ZNF397: variants seen among roughly 807,000 people sequenced by gnomAD.
The protein encoded by ZNF397 is zinc finger protein 397, also known as zinc finger and SCAN domain-containing protein 15.
ZNF397 carries 38 observed loss-of-function variants against 50.6 expected under a neutral mutation model. That is an observed-to-expected ratio of 0.75 (90% CI 0.58 to 0.98). The LOEUF (loss-of-function observed/expected upper bound fraction) is 0.98. Ranked by LOEUF, ZNF397 falls within the 50% of genes least tolerant of loss-of-function variation. The probability of loss-of-function intolerance (pLI) is 0.00; values close to 1 mark genes in which losing one functional copy is unlikely to be tolerated. For synonymous variants in ZNF397, 228 were observed against 215.2 expected (o/e 1.06, Z -0.52); for missense variants, 624 against 624.1 (o/e 1.00, Z 0.00).
At chr18:35,243,464 A>G in intron 3 of ZNF397, 171 bp downstream of exon 3, 3 of 823,852 alleles carry the variant, frequency 3.6e-6, no homozygotes, top group Non-Finnish European at 5.9e-6. Context: ...AATTGCTGTC[A>G]GCCCTCCTGT....
intron 5 of ZNF397, among the ~76,000 whole-genome samples, chr18:35,257,749 A>G (rs938763005): frequency 6.6e-6 from 1 of 152,194 alleles, no homozygotes; most frequent in Non-Finnish European, 1.5e-5. Flanking sequence ...TGGCCCAGGA[A>G]GTAACTTCCA....
At chr18:35,250,624 G>C (rs757737008), downstream of ZNF397, among the ~76,000 whole-genome samples, 7 of 152,130 alleles carry the variant, frequency 4.6e-5, no homozygotes, top group Non-Finnish European at 7.4e-5. Context: ...AAGCAAATCT[G>C]ACCCTCATCT....
rs1912446444 is a variant in ZNF397 at position 35,241,111 on chromosome 18, T to G, written c.-81+2T>G. 1 of 152,250 alleles carries G rather than the reference T, an allele frequency of 6.6e-6. No individual in the cohort carries two copies. Among genetic ancestry groups the G allele is most frequent in the Non-Finnish European group, 1.5e-5 (1 of 68,132 alleles). 9.4% of individuals were successfully genotyped at this position (152,250 alleles called of 1,614,324 possible). On this transcript the variant is annotated splice_donor_variant, in intron 1 of 3. Transcript: ENST00000330501. LOFTEE classifies it low-confidence loss of function (5UTR_SPLICE). ...TCCTGGCCGCTCCTGGGCTTCGCGG[T>G]GAGGGACGTGGGCCCCTAGGAAGAG...
rs1387282295 is a variant in ZNF397, at chr18:35,246,419, C to A, written c.*109C>A. 1 of 1,454,410 alleles carries A rather than the reference C, an allele frequency of 6.9e-7. No individual in the cohort carries two copies. The highest frequency in any genetic ancestry group is 9.0e-7 in the Non-Finnish European group (1 of 1,105,574). 90.1% of individuals were successfully genotyped at this position (1,454,410 alleles called of 1,614,324 possible). A position where few individuals can be genotyped will look rare whatever the true frequency, so the allele number is the denominator to read the frequency against. On this transcript the variant is annotated 3_prime_UTR_variant, in exon 4 of 4. Transcript: ENST00000330501. ...CCATAAAGGTTATAAAATACTAGGT[C>A]TTGAGTCTAGCTTGCTTTGTGCAGC... is the stretch of plus-strand genomic sequence containing the variant.
intron 5 of ZNF397, chr18:35,257,508 G>C (rs1038944605): frequency 9.6e-6 from 2 of 208,274 alleles, no homozygotes; most frequent in Admixed American, 1.1e-4. Flanking sequence ...CACCACGTGA[G>C]GACACAGTGA....
rs1196339381 is a variant in ZNF397, at chr18:35,249,513, T to G, written c.*3203T>G. 6.6e-6 allele frequency: 1 copy of G among 151,568 alleles called. No individual in the cohort carries two copies. 9.4% of individuals were successfully genotyped at this position (151,568 alleles called of 1,614,324 possible). ...CTAAAAATACAAAACAATTAGCTGG[T>G]GTGGTGGCATGTGCCTGTAGTCCCA... On this transcript the variant is annotated 3_prime_UTR_variant, in exon 4 of 4. Transcript: ENST00000330501.
downstream of ZNF397, chr18:35,253,700 C>T (rs2043677598): frequency 1.9e-6 from 3 of 1,613,856 alleles, no homozygotes; most frequent in South Asian, 2.2e-5. Context: ...ACATTCATAG[C>T]TTTTATCTCC....
In ZNF397 at chr18:35,245,555, C is replaced by T. The variant is rs1241087575; in HGVS notation, c.850C>T (p.Pro284Ser). 2.6e-6 allele frequency: 4 copies of T among 1,552,454 alleles called. No homozygotes were observed. Among genetic ancestry groups the T allele is most frequent in the Non-Finnish European group, 3.5e-6 (4 of 1,147,236 alleles). The change falls in exon 4 of 4, where the codon CCT becomes TCT. Residue 284 changes from proline to serine, a missense_variant. Pro to Ser is a moderately conservative substitution (Grantham distance 74). Coordinates refer to ENST00000330501, the MANE Select transcript of ZNF397 (RefSeq NM_001135178.3). ...TCAGAAAGTTCCTCCAGAAGAGAGACCTTATAGATGTGATGTATGTGGGCA... is the reference window on the plus strand; with the variant it reads ...TCAGAAAGTTCCTCCAGAAGAGAGATCTTATAGATGTGATGTATGTGGGCA... ...MCQKVPPEER[P>S]YRCDVCGHSF...
At position 35,242,724 on chromosome 18, in the gene ZNF397, C is replaced by G; in HGVS notation, c.254C>G (p.Thr85Arg). Residue 85 changes from threonine (T) to arginine (R), a missense_variant, in exon 2 of 4, where the codon ACA (threonine) becomes AGA (arginine). By Grantham distance (71) the Thr-to-Arg change is moderately conservative. Transcript: ENST00000330501. ...CAGTGGCTAATGCCAGAGTTGCACA[C>G]AAAGGAGCAGATCTTAGAACTGCTG... ...CYQWLMPELH[T>R]KEQILELLVL... 6.2e-7 allele frequency: 1 copy of G among 1,614,208 alleles called. No homozygotes were observed. Among genetic ancestry groups the G allele is most frequent in the Non-Finnish European group, 8.5e-7 (1 of 1,180,040 alleles).
chr18:35,254,809 T>C (rs1213722762), intron 5 of ZNF397, among the ~76,000 whole-genome samples: 3 of 152,138 alleles, frequency 2.0e-5, no homozygotes, highest in Admixed American at 1.3e-4. Context: ...TCTATCAATA[T>C]AGGAGAGCAG....
At chr18:35,242,312 A>G (rs900171776) in intron 1 of ZNF397, 79 bp from the exon 2 acceptor site, 5 of 635,964 alleles carry the variant, frequency 7.9e-6, no homozygotes, top group African/African-American at 3.6e-5. Flanking sequence ...ATATATTACT[A>G]AAGTTACTCA....
At position 35,245,975 on chromosome 18, in the gene ZNF397, C is replaced by A; in HGVS notation, c.1270C>A (p.Pro424Thr). 1 of 1,582,452 alleles carries A rather than the reference C, an allele frequency of 6.3e-7. No individual in the cohort carries two copies. Among genetic ancestry groups the A allele is most frequent in the Non-Finnish European group, 8.6e-7 (1 of 1,164,130 alleles). The change falls in exon 4 of 4, where the codon CCC becomes ACC. Residue 424 changes from proline (P) to threonine (T), a missense_variant. Pro to Thr is a conservative substitution (Grantham distance 38, BLOSUM62 -1). Coordinates refer to ENST00000330501, the MANE Select transcript of ZNF397 (RefSeq NM_001135178.3). ...RHQRIHTGER[P>T]YECNECGKAF... ...TCAGCGAATTCACACAGGAGAGAGA[C>A]CCTATGAATGTAATGAATGTGGAAA...
chr18:35,258,901 A>AAAG (rs2043938457), downstream of ZNF397: 1 of 147,138 alleles, frequency 6.8e-6, no homozygotes, highest in Non-Finnish European at 1.5e-5. Context: ...AAAAAAAAAA[A>AAAG]GGTCAAAGTG....
downstream of ZNF397, chr18:35,252,528 GA>G (rs1359942817): frequency 2.0e-5 from 3 of 152,138 alleles, no homozygotes; most frequent in Non-Finnish European, 4.4e-5. Context: ...TTAGGTCTAT[GA>G]CAATTTCTGC....
At position 35,246,338 on chromosome 18, in the gene ZNF397, A is replaced by G; in HGVS notation, c.*28A>G. ...TGTGAATACTGTGAATAGTGTAAAT[A>G]CTTCAGTCAGATTTTTAAGTTTGTT... is the stretch of plus-strand genomic sequence containing the variant. On this transcript the variant is annotated 3_prime_UTR_variant, in exon 4 of 4. Coordinates refer to ENST00000330501, the MANE Select transcript of ZNF397 (RefSeq NM_001135178.3). 6.7e-7 allele frequency: 1 copy of G among 1,484,318 alleles called. No homozygotes were observed. The highest frequency in any genetic ancestry group is 8.9e-7 in the Non-Finnish European group (1 of 1,118,896). The allele number at this position is 1,484,318 out of a possible 1,614,324, so 91.9% of individuals were successfully genotyped here. A position where few individuals can be genotyped will look rare whatever the true frequency, so the allele number is the denominator to read the frequency against.
chr18:35,243,557 G>T, intron 3 of ZNF397: 1 of 615,832 alleles, frequency 1.6e-6, no homozygotes, highest in Non-Finnish European at 2.9e-6. Flanking sequence ...ACTGTGGTAG[G>T]CCCCAGGAGA....
downstream of ZNF397, chr18:35,254,709 G>A (rs546302168): frequency 8.0e-6 from 3 of 376,388 alleles, no homozygotes; most frequent in South Asian, 2.8e-5. Context: ...GAGAAGATAC[G>A]TTTTTAGGTA....
chr18:35,256,864 C>A (rs2051984222), intron 5 of ZNF397, among the ~76,000 whole-genome samples: 2 of 152,176 alleles, frequency 1.3e-5, no homozygotes, highest in African/African-American at 4.8e-5. Context: ...GCCTTGAAAT[C>A]CTGGACTCAA....
rs1010213853 is a variant in ZNF397 at position 35,248,462 on chromosome 18, A to G, written c.*2152A>G. The G allele has an allele frequency of 2.0e-5, 3 of 152,224 alleles. No homozygotes were observed. The highest frequency in any genetic ancestry group is 7.2e-5 in the African/African-American group (3 of 41,450). 9.4% of individuals were successfully genotyped at this position (152,224 alleles called of 1,614,324 possible). On this transcript the variant is annotated 3_prime_UTR_variant, in exon 4 of 4. Coordinates refer to ENST00000330501, the MANE Select transcript of ZNF397 (RefSeq NM_001135178.3). ...CTTTTCCATAGATAAAGACCTGAACAAACTGAAAAGGTAGGACGTAAAGTA... is the reference window on the plus strand; with the variant it reads ...CTTTTCCATAGATAAAGACCTGAACGAACTGAAAAGGTAGGACGTAAAGTA...
Sources: gnomAD v4.1 joint callset for allele counts (sites outside exome capture counted in the v4.1 genomes callset) on GRCh38, gnomAD v4.1.1 for gene constraint, MANE v1.5 for transcripts, NCBI Gene and HGNC (gene_info 2026-07-23, HGNC 2026-07-21) for gene names.